Variants in PARD3B observed in about 807,000 individuals in gnomAD.
The protein encoded by PARD3B is par-3 family cell polarity regulator beta, also known as partitioning defective 3 homolog B.
A neutral mutation model predicts 130.2 loss-of-function variants in PARD3B; 103 were observed. The observed-to-expected ratio is 0.79, with a 90% CI of 0.67 to 0.93. The LOEUF (loss-of-function observed/expected upper bound fraction) is 0.93. PARD3B is among the 40% of genes least tolerant of loss of function. The probability of loss-of-function intolerance (pLI) is 0.00; values close to 1 mark genes in which losing one functional copy is unlikely to be tolerated. For synonymous variants in PARD3B, 583 were observed against 553.2 expected, an observed-to-expected ratio of 1.05 and a Z score of -0.76; for missense variants, 1,609 against 1,499.2, an observed-to-expected ratio of 1.07 and a Z score of -1.21.
At chr2:204,846,480 C>A (rs960280995) in intron 2 of PARD3B, among the ~76,000 whole-genome samples, 1 of 151,680 alleles carries the variant, frequency 6.6e-6, no homozygotes, top group African/African-American at 2.4e-5. Context: ...TTGCTGTGGA[C>A]ACAAAGTTCA....
intron 3 of PARD3B, among the ~76,000 whole-genome samples, chr2:205,023,765 A>T (rs1197767223): frequency 2.0e-5 from 3 of 152,114 alleles, no homozygotes; most frequent in Non-Finnish European, 4.4e-5. Context: ...TAAAGGATGC[A>T]TGGATGAACT....
At position 205,274,832 on chromosome 2, in the gene PARD3B, CATA is replaced by C. The variant is rs576549685; in HGVS notation, c.2186-25694_2186-25692del. ...AGCAAGTTGTCTATAGTATGTATAT[CATA>C]ATATTACCTTGTGTTTTAAACCACT... is the stretch of plus-strand genomic sequence containing the variant. On this transcript the variant is annotated intron_variant, in intron 16 of 22. Transcript: ENST00000406610. This position sits in a 1 kb window ranked among gnomAD's most constrained non-coding sequence, Gnocchi z 4.2. Among the ~76,000 whole-genome samples, 56 of 152,172 alleles carry C rather than the reference CATA, an allele frequency of 3.7e-4. No individual in the cohort carries two copies. Among genetic ancestry groups the C allele is most frequent in the South Asian group, 4.1e-4 (2 of 4,826 alleles).
At chr2:204,655,865 C>T (rs772898692) in intron 1 of PARD3B, among the ~76,000 whole-genome samples, 8 of 152,160 alleles carry the variant, frequency 5.3e-5, no homozygotes, top group Non-Finnish European at 1.0e-4. Flanking sequence ...CATTTGTCCA[C>T]GGTTAGCCAC....
rs1192681773 is a variant in PARD3B at position 205,146,650 on chromosome 2, CAAAAAA to C, written c.1435-12066_1435-12061del. Among the ~76,000 whole-genome samples the C allele has an allele frequency of 6.9e-6, 1 of 144,186 alleles. No homozygotes were observed. Among genetic ancestry groups the C allele is most frequent in the Non-Finnish European group, 1.5e-5 (1 of 65,434 alleles). The allele number at this position is 144,186 out of a possible 152,430, so 94.6% of individuals were successfully genotyped here. ...TGGGCGACAGAGCGAGACTCCGCCT[CAAAAAA>C]AAAAATTGTTACATCATATTGTTTG... is the stretch of plus-strand genomic sequence containing the variant. On this transcript the variant is annotated intron_variant, in intron 10 of 22. Transcript: ENST00000406610. This position sits in a 1 kb window ranked among gnomAD's most constrained non-coding sequence, Gnocchi z 4.3.
rs150666394 is a variant in PARD3B, at chr2:205,342,172, A to G, written c.2630+40471A>G. ...GGGAGGGAAGATTGAATTCATTAGT[A>G]TATTCAATTAATATTTACTGATTGT... On this transcript the variant is annotated intron_variant, in intron 18 of 22. Transcript: ENST00000406610. Among the ~76,000 whole-genome samples, 24 of 152,302 alleles carry G rather than the reference A, an allele frequency of 1.6e-4. 1 individual carries two copies. The East Asian group carries it at 4.6e-3, about 29-fold the overall frequency.
chr2:204,613,013 G>A (rs1374677151), intron 1 of PARD3B, among the ~76,000 whole-genome samples: 1 of 151,892 alleles, frequency 6.6e-6, no homozygotes, highest in Non-Finnish European at 1.5e-5. Flanking sequence ...ATAAAATATT[G>A]TTGAAAGCTG....
At chr2:205,032,537 G>A (rs1697500219) in intron 3 of PARD3B, among the ~76,000 whole-genome samples, 1 of 152,156 alleles carries the variant, frequency 6.6e-6, no homozygotes, top group Admixed American at 6.6e-5. Context: ...ATACAGGAAA[G>A]AATCAGATTT....
chr2:204,575,819 T>G (rs527315807), intron 1 of PARD3B, among the ~76,000 whole-genome samples: 6 of 152,316 alleles, frequency 3.9e-5, no homozygotes, highest in African/African-American at 1.4e-4. Flanking sequence ...TTCCTGTGCT[T>G]TGTTCAGTAG....
chr2:205,381,144 AAT>A (rs199536381), intron 18 of PARD3B, among the ~76,000 whole-genome samples: 57,029 of 104,460 alleles, frequency 0.55, 19,023 homozygotes, highest in South Asian at 0.76. Context: ...AAGAATATAT[AAT>A]ATATATAATA....
chr2:204,601,980 C>A (rs1017054343), intron 1 of PARD3B, among the ~76,000 whole-genome samples: 1 of 151,858 alleles, frequency 6.6e-6, no homozygotes, highest in Non-Finnish European at 1.5e-5. Context: ...ATAATTATGG[C>A]GACTTTAGAC....
In PARD3B at chr2:205,458,524, T is replaced by C. The variant is rs370527266; in HGVS notation, c.3044+17852T>C. On this transcript the variant is annotated intron_variant, in intron 20 of 22. Coordinates refer to ENST00000406610, the MANE Select transcript of PARD3B (RefSeq NM_001302769.2). This position sits in a 1 kb window ranked among gnomAD's most constrained non-coding sequence, Gnocchi z 4.8. ...CCTTCTGTTGAGCACTTAATTTTAG[T>C]TATTGTAATTTTCAGTTTTAGGTGT... Among the ~76,000 whole-genome samples, 20 of 152,176 alleles carry C rather than the reference T, an allele frequency of 1.3e-4. No individual in the cohort carries two copies. The highest frequency in any genetic ancestry group is 2.1e-4 in the South Asian group (1 of 4,828).
At chr2:205,357,961 A>C (rs1020941283) in intron 18 of PARD3B, among the ~76,000 whole-genome samples, 1 of 152,218 alleles carries the variant, frequency 6.6e-6, no homozygotes, top group Non-Finnish European at 1.5e-5. Flanking sequence ...CGCCTGGCTG[A>C]ACCACAGAAT....
intron 19 of PARD3B, among the ~76,000 whole-genome samples, chr2:205,416,135 C>A (rs879659771): frequency 3.3e-4 from 50 of 151,966 alleles, no homozygotes; most frequent in African/African-American, 1.2e-3. Flanking sequence ...ATCCTGAGGG[C>A]ATGCTTCTGG....
chr2:205,200,760 T>C (rs2036944445), intron 15 of PARD3B, among the ~76,000 whole-genome samples: 1 of 152,186 alleles, frequency 6.6e-6, no homozygotes, highest in Non-Finnish European at 1.5e-5. Flanking sequence ...AAATGTTTTT[T>C]CCTAAAGCCA....
At chr2:205,598,432 A>G (rs2054653318) in intron 22 of PARD3B, among the ~76,000 whole-genome samples, 1 of 152,176 alleles carries the variant, frequency 6.6e-6, no homozygotes, top group Non-Finnish European at 1.5e-5. Flanking sequence ...TCTTAAATAC[A>G]TATACTCCCA....
chr2:204,813,800 T>G (rs180811291), intron 2 of PARD3B, among the ~76,000 whole-genome samples: 2 of 152,246 alleles, frequency 1.3e-5, no homozygotes, highest in Non-Finnish European at 2.9e-5. Flanking sequence ...ATTTGCACCT[T>G]GCTTGAAAAT....
At chr2:205,567,090 T>G (rs895115522) in intron 22 of PARD3B, among the ~76,000 whole-genome samples, 1 of 152,076 alleles carries the variant, frequency 6.6e-6, no homozygotes, top group African/African-American at 2.4e-5. Context: ...TTCAGAAATA[T>G]GCACTAAAAT....
intron 19 of PARD3B, among the ~76,000 whole-genome samples, chr2:205,414,033 C>T (rs1415538360): frequency 6.6e-6 from 1 of 152,078 alleles, no homozygotes; most frequent in African/African-American, 2.4e-5. Context: ...GTATTTTGAG[C>T]TGATTCAGTC....
chr2:205,446,066 C>G lies in PARD3B; in HGVS notation c.3044+5394C>G, dbSNP rs571447036. 1.3e-5 allele frequency among the ~76,000 whole-genome samples: 2 copies of G among 152,088 alleles called. No homozygotes were observed. The highest frequency in any genetic ancestry group is 2.9e-5 in the Non-Finnish European group (2 of 68,016). On this transcript the variant is annotated intron_variant, in intron 20 of 22. Coordinates refer to ENST00000406610, the MANE Select transcript of PARD3B (RefSeq NM_001302769.2). This position sits in a 1 kb window ranked among gnomAD's most constrained non-coding sequence, Gnocchi z 4.4. ...GCAGCCGAAGAGTAAGTGCAGGGTACTGTTTGGGGCCAGGCAGCAAGGGTG... is the reference window on the plus strand; with the variant it reads ...GCAGCCGAAGAGTAAGTGCAGGGTAGTGTTTGGGGCCAGGCAGCAAGGGTG...
Sources: gnomAD v4.1 joint callset for allele counts (sites outside exome capture counted in the v4.1 genomes callset) on GRCh38, gnomAD v4.1.1 for gene constraint, Gnocchi (gnomAD v3.1) non-coding constraint, MANE v1.5 for transcripts, NCBI Gene and HGNC (gene_info 2026-07-23, HGNC 2026-07-21) for gene names.